The following PHF21A variants were observed in gnomAD, a reference collection of about 807,000 sequenced individuals.
PHF21A encodes BHC80a.
A neutral mutation model predicts 82.5 loss-of-function variants in PHF21A; 11 were observed. That is an observed-to-expected ratio of 0.13 (90% confidence interval 0.08 to 0.22). The LOEUF (loss-of-function observed/expected upper bound fraction) is 0.22. Among genes scored for constraint, PHF21A ranks in the 10% least tolerant of loss-of-function variants. PHF21A has a pLI of 1.00. For synonymous variants in PHF21A, 297 were observed against 302.8 expected (o/e 0.98, Z 0.20); for missense variants, 579 against 837.8 (o/e 0.69, Z 3.81).
At chr11:45,970,925 G>A in intron 8 of PHF21A, 191 bp downstream of exon 8, 2 of 643,058 alleles carry the variant, frequency 3.1e-6, no homozygotes, top group Non-Finnish European at 5.2e-6. Flanking sequence ...TTGGTGTCAG[G>A]ACGCTTCTGT....
intron 6 of PHF21A, among the ~76,000 whole-genome samples, chr11:45,981,458 A>T (rs1353218169): frequency 6.7e-6 from 1 of 149,520 alleles, no homozygotes; most frequent in East Asian, 2.0e-4. Context: ...TCTTTACCTG[A>T]TGTGTAAAGT....
At position 45,933,935 on chromosome 11, in the gene PHF21A, C is replaced by T. The variant is rs760937352; in HGVS notation, c.*33G>A. ...TTCAGTGTTCTGTTCTCCTTGCCGC[C>T]GGGATCCCGTGGCTTCTCCTAGAGG... On this transcript the variant is annotated 3_prime_UTR_variant, in exon 19 of 19. Transcript: ENST00000676320. 7.6e-5 allele frequency: 113 copies of T among 1,487,712 alleles called. No individual in the cohort carries two copies. The highest frequency in any genetic ancestry group is 9.1e-5 in the Non-Finnish European group (102 of 1,117,878). The allele number at this position is 1,487,712 out of a possible 1,614,324, so 92.2% of individuals were successfully genotyped here. A position where few individuals can be genotyped will look rare whatever the true frequency, so the allele number is the denominator to read the frequency against.
intron 6 of PHF21A, among the ~76,000 whole-genome samples, chr11:46,001,703 TATGATAGGCC>T (rs1476534400): frequency 6.6e-6 from 1 of 152,210 alleles, no homozygotes; most frequent in Non-Finnish European, 1.5e-5. Context: ...AGTTAACTGG[TATGATAGGCC>T]ATGGGAGAAT....
intron 6 of PHF21A, among the ~76,000 whole-genome samples, chr11:46,034,225 C>A (rs535841710): frequency 2.4e-4 from 37 of 151,738 alleles, no homozygotes; most frequent in African/African-American, 7.0e-4. Context: ...GCCCCCACCC[C>A]CCCCTTGCAT....
At chr11:46,084,846 AT>A (rs1344622852) in intron 3 of PHF21A, among the ~76,000 whole-genome samples, 1 of 151,820 alleles carries the variant, frequency 6.6e-6, no homozygotes, top group Non-Finnish European at 1.5e-5. Context: ...CGCCCGGCTC[AT>A]TTTTTTATAT....
chr11:46,108,416 C>T (rs937618192), intron 1 of PHF21A, among the ~76,000 whole-genome samples: 1 of 151,934 alleles, frequency 6.6e-6, no homozygotes, highest in Non-Finnish European at 1.5e-5. Context: ...ATGTATAAAT[C>T]TTACCCACCT....
intron 6 of PHF21A, among the ~76,000 whole-genome samples, chr11:46,037,697 G>GGA (rs2096042065): frequency 1.3e-5 from 2 of 148,522 alleles, no homozygotes; most frequent in Non-Finnish European, 3.0e-5. Flanking sequence ...CCTTTTGTAA[G>GGA]TAACTTTTTT....
At chr11:46,003,214 TA>T (rs537419397) in intron 6 of PHF21A, among the ~76,000 whole-genome samples, 177 of 150,036 alleles carry the variant, frequency 1.2e-3, no homozygotes, top group African/African-American at 4.1e-3. Flanking sequence ...AGAGTGCCAC[TA>T]AAAAAAGTCC....
chr11:46,075,368 C>T (rs931952830), intron 6 of PHF21A, among the ~76,000 whole-genome samples: 1 of 152,138 alleles, frequency 6.6e-6, no homozygotes, highest in Non-Finnish European at 1.5e-5. Context: ...TGCTGGAACA[C>T]GTGAATTTTT....
intron 10 of PHF21A, among the ~76,000 whole-genome samples, chr11:45,956,627 T>C (rs949147343): frequency 1.3e-5 from 2 of 152,118 alleles, no homozygotes; most frequent in African/African-American, 2.4e-5. Context: ...GTTAAAAACG[T>C]ATGAATGTTT....
chr11:45,941,916 C>T (rs2090427493), intron 15 of PHF21A, among the ~76,000 whole-genome samples: 2 of 152,178 alleles, frequency 1.3e-5, no homozygotes. Flanking sequence ...ATAGTGGCAA[C>T]ACGGTACATC....
chr11:45,961,600 G>A (rs996766865), intron 10 of PHF21A, among the ~76,000 whole-genome samples: 5 of 151,700 alleles, frequency 3.3e-5, no homozygotes, highest in African/African-American at 1.2e-4. Flanking sequence ...TTTCCCCACA[G>A]AACCTTGGGA....
chr11:46,038,058 G>A (rs547171266), intron 6 of PHF21A, among the ~76,000 whole-genome samples: 3 of 151,328 alleles, frequency 2.0e-5, no homozygotes, highest in South Asian at 2.1e-4. Context: ...TCACCTTCTT[G>A]CAGAGCCCAT....
At chr11:45,935,598 C>T (rs747925695) in intron 18 of PHF21A, 38 bp downstream of exon 18, 44 of 980,428 alleles carry the variant, frequency 4.5e-5, no homozygotes, top group South Asian at 4.2e-4. Context: ...GGTCTCTGCA[C>T]CTATGTATCG....
At chr11:46,007,783 T>C (rs1281171734) in intron 6 of PHF21A, among the ~76,000 whole-genome samples, 2 of 152,216 alleles carry the variant, frequency 1.3e-5, no homozygotes, top group African/African-American at 4.8e-5. Flanking sequence ...ACAATGGACA[T>C]ATTCTTTCTT....
chr11:46,060,333 G>A (rs2139458863), intron 6 of PHF21A, among the ~76,000 whole-genome samples: 1 of 152,128 alleles, frequency 6.6e-6, no homozygotes, highest in Non-Finnish European at 1.5e-5. Context: ...AAAAACAAAT[G>A]TTTAAAGAAA....
chr11:46,102,853 G>A (rs2097112027), intron 1 of PHF21A, among the ~76,000 whole-genome samples: 2 of 152,214 alleles, frequency 1.3e-5, no homozygotes, highest in African/African-American at 4.8e-5. Context: ...TAATAGCTCA[G>A]TATCTCCCTG....
At chr11:46,061,948 T>C (rs1345661879) in intron 6 of PHF21A, among the ~76,000 whole-genome samples, 1 of 152,188 alleles carries the variant, frequency 6.6e-6, no homozygotes, top group African/African-American at 2.4e-5. Flanking sequence ...AAGAGATGGG[T>C]TGGGTATAGA....
intron 6 of PHF21A, among the ~76,000 whole-genome samples, chr11:46,031,323 C>A (rs1016281278): frequency 6.6e-5 from 10 of 152,222 alleles, no homozygotes; most frequent in Admixed American, 5.9e-4. Flanking sequence ...CACCCCATTT[C>A]TTCCTTTCCA....
Sources: allele counts gnomAD v4.1 joint callset (sites outside exome capture counted in the v4.1 genomes callset), GRCh38; gene constraint gnomAD v4.1.1; transcripts MANE v1.5; gene names NCBI Gene and HGNC (gene_info 2026-07-23, HGNC 2026-07-21).